The following CARMIL1 variants were observed in gnomAD, a reference collection of about 807,000 sequenced individuals.
CARMIL1 encodes the protein F-actin-uncapping protein LRRC16A.
Under a neutral mutation model 177.1 loss-of-function variants are expected in CARMIL1, and 90 were observed. The ratio of observed to expected loss-of-function variants is 0.51; its 90% CI spans 0.43 to 0.61. The LOEUF (loss-of-function observed/expected upper bound fraction) is 0.61. Among genes scored for constraint, CARMIL1 ranks in the 20% least tolerant of loss-of-function variants. CARMIL1 has a pLI of 0.00. For synonymous variants in CARMIL1, 577 were observed against 606.2 expected (o/e 0.95, Z 0.71); for missense variants, 1,380 against 1,667.0 (o/e 0.83, Z 3.00).
At chr6:25,496,891 G>A (rs953023504) in intron 16 of CARMIL1, among the ~76,000 whole-genome samples, 11 of 152,184 alleles carry the variant, frequency 7.2e-5, no homozygotes, top group Admixed American at 2.6e-4. Context: ...GTTGGTTAAT[G>A]TGACTGATTT....
intron 11 of CARMIL1, among the ~76,000 whole-genome samples, chr6:25,477,852 CTTTTTTT>C (rs56068417): frequency 2.0e-5 from 2 of 98,026 alleles, no homozygotes; most frequent in Non-Finnish European, 3.9e-5. Flanking sequence ...CTTCTCATCA[CTTTTTTT>C]TTTTTTTTTT....
chr6:25,563,420 G>A (rs1582376367), intron 29 of CARMIL1: 1 of 985,318 alleles, frequency 1.0e-6, no homozygotes, highest in Non-Finnish European at 1.2e-6. Flanking sequence ...CTGTATATAT[G>A]TATGTGAGAG....
intron 31 of CARMIL1, among the ~76,000 whole-genome samples, 189 bp from the exon 32 acceptor site, chr6:25,594,226 C>T (rs1033211822): frequency 6.6e-6 from 1 of 152,196 alleles, no homozygotes; most frequent in African/African-American, 2.4e-5. Context: ...TCGTGCATCC[C>T]TCACTTTTGT....
At chr6:25,489,153 A>G (rs928620441) in intron 13 of CARMIL1, among the ~76,000 whole-genome samples, 1 of 124,276 alleles carries the variant, frequency 8.0e-6, no homozygotes, top group Non-Finnish European at 1.7e-5. Flanking sequence ...CGACAGTGTG[A>G]GTCTCCGTAT....
intron 23 of CARMIL1, 90 bp downstream of exon 23, chr6:25,520,427 A>G (rs780963192): frequency 1.3e-5 from 10 of 764,500 alleles, no homozygotes; most frequent in Non-Finnish European, 2.1e-5. Flanking sequence ...TTGTTATTTT[A>G]CGAAGTTTTT....
chr6:25,429,927 C>T (rs1338302512), intron 4 of CARMIL1, among the ~76,000 whole-genome samples: 1 of 151,790 alleles, frequency 6.6e-6, no homozygotes, highest in Non-Finnish European at 1.5e-5. Flanking sequence ...CTCATTGCAA[C>T]CTCTGCCTCC....
At position 25,435,620 on chromosome 6, in the gene CARMIL1, C is replaced by G; in HGVS notation, c.371+16C>G. 6.4e-7 allele frequency: 1 copy of G among 1,570,496 alleles called. No individual in the cohort carries two copies. Among genetic ancestry groups the G allele is most frequent in the Non-Finnish European group, 8.6e-7 (1 of 1,157,228 alleles). On this transcript the variant is annotated intron_variant, in intron 5 of 36. Coordinates refer to ENST00000329474, the MANE Select transcript of CARMIL1 (RefSeq NM_017640.6). ...TCTCTCCAGTGTGAGTTTCCCTGGG[C>G]AGGGTGAGGAGAGCAAAGAACCTGT...
intron 29 of CARMIL1, among the ~76,000 whole-genome samples, chr6:25,575,030 T>C (rs1244292654): frequency 2.0e-5 from 3 of 152,222 alleles, no homozygotes; most frequent in Non-Finnish European, 2.9e-5. Flanking sequence ...GCATTTATTA[T>C]CTTATTTAAT....
At chr6:25,438,402 A>G (rs1379081484) in intron 5 of CARMIL1, among the ~76,000 whole-genome samples, 2 of 152,220 alleles carry the variant, frequency 1.3e-5, no homozygotes. Context: ...AAAGAGGGAA[A>G]TACATAAATC....
intron 22 of CARMIL1, among the ~76,000 whole-genome samples, chr6:25,519,347 G>A (rs557677375): frequency 3.9e-5 from 6 of 152,324 alleles, no homozygotes; most frequent in African/African-American, 1.4e-4. Context: ...GCATTTTGGG[G>A]TGGAGGACAG....
chr6:25,568,907 G>A (rs1192007702), intron 29 of CARMIL1, among the ~76,000 whole-genome samples: 6 of 152,162 alleles, frequency 3.9e-5, no homozygotes, highest in Non-Finnish European at 8.8e-5. Flanking sequence ...CAATAGCTAA[G>A]AGATTGCCCT....
intron 2 of CARMIL1, among the ~76,000 whole-genome samples, chr6:25,400,063 A>G (rs945567790): frequency 2.6e-5 from 4 of 152,184 alleles, no homozygotes; most frequent in African/African-American, 9.7e-5. Flanking sequence ...TGTCTTGAGA[A>G]GCGCTGTACC....
intron 2 of CARMIL1, among the ~76,000 whole-genome samples, chr6:25,310,290 G>A (rs1783688899): frequency 6.6e-6 from 1 of 152,210 alleles, no homozygotes; most frequent in Non-Finnish European, 1.5e-5. Context: ...GGGACATGTA[G>A]ACTTAATTAG....
At chr6:25,555,455 C>T (rs1046229302) in intron 28 of CARMIL1, among the ~76,000 whole-genome samples, 29 of 152,100 alleles carry the variant, frequency 1.9e-4, no homozygotes, top group Admixed American at 3.3e-4. Flanking sequence ...GGCCAGAGTG[C>T]AGTGGTGCGA....
intron 5 of CARMIL1, among the ~76,000 whole-genome samples, chr6:25,439,357 G>C (rs184922403): frequency 1.7e-3 from 256 of 152,304 alleles, no homozygotes; most frequent in Non-Finnish European, 2.8e-3. Context: ...TTGGAGCAAA[G>C]GTGAGTGCCA....
intron 4 of CARMIL1, among the ~76,000 whole-genome samples, chr6:25,434,259 G>A (rs1797046080): frequency 6.6e-6 from 1 of 152,100 alleles, no homozygotes; most frequent in Non-Finnish European, 1.5e-5. Flanking sequence ...GGTAGTTGAA[G>A]TTCTTCTTAT....
At chr6:25,327,034 G>A (rs1307251794) in intron 2 of CARMIL1, among the ~76,000 whole-genome samples, 3 of 152,110 alleles carry the variant, frequency 2.0e-5, no homozygotes, top group Non-Finnish European at 4.4e-5. Context: ...GGCAAAATGA[G>A]CGTACAGTCC....
At chr6:25,343,542 C>T (rs991820393) in intron 2 of CARMIL1, among the ~76,000 whole-genome samples, 1 of 152,082 alleles carries the variant, frequency 6.6e-6, no homozygotes, top group East Asian at 1.9e-4. Context: ...TCTCATCACA[C>T]GTCTTATTCC....
At chr6:25,596,112 C>T (rs1423508601) in intron 32 of CARMIL1, among the ~76,000 whole-genome samples, 1 of 151,310 alleles carries the variant, frequency 6.6e-6, no homozygotes, top group African/African-American at 2.4e-5. Context: ...TTTTCTCTCC[C>T]GTTAATGCTA....
Sources: allele counts gnomAD v4.1 joint callset (sites outside exome capture counted in the v4.1 genomes callset), GRCh38; gene constraint gnomAD v4.1.1; transcripts MANE v1.5; gene names NCBI Gene and HGNC (gene_info 2026-07-23, HGNC 2026-07-21).